The following COG7 variants were observed in gnomAD, a reference collection of about 807,000 sequenced individuals.
COG7 encodes conserved oligomeric Golgi complex subunit 7.
In COG7, 49 loss-of-function variants were observed where a neutral mutation model predicts 91.5. That is an observed-to-expected ratio of 0.54 (90% CI 0.43 to 0.68). The LOEUF is 0.68. Among genes scored for constraint, COG7 ranks in the 30% least tolerant of loss-of-function variants. COG7 has a pLI of 0.00. For missense variants in COG7, 895 were observed against 961.3 expected, an observed-to-expected ratio of 0.93 and a Z score of 0.91; for synonymous variants, 365 against 388.7, an observed-to-expected ratio of 0.94 and a Z score of 0.72.
intron 13 of COG7, among the ~76,000 whole-genome samples, chr16:23,399,136 GAAAGGAATGACCATGTCCA>G (rs1372113054): frequency 1.3e-5 from 2 of 152,150 alleles, no homozygotes; most frequent in African/African-American, 2.4e-5. Flanking sequence ...AGCATTCCGG[GAAAGGAATGACCATGTCCA>G]ACCCTGGGCT....
At chr16:23,433,966 T>C (rs1470237758) in intron 5 of COG7, among the ~76,000 whole-genome samples, 1 of 152,172 alleles carries the variant, frequency 6.6e-6, no homozygotes, top group Non-Finnish European at 1.5e-5. Context: ...TGAATAGATG[T>C]TGGGGCAAGA....
chr16:23,421,406 CTTA>C (rs941979848), intron 7 of COG7, among the ~76,000 whole-genome samples: 38 of 150,236 alleles, frequency 2.5e-4, no homozygotes, highest in African/African-American at 9.0e-4. Context: ...ATCATTAATT[CTTA>C]TAATACATAT....
At chr16:23,393,859 T>G (rs527543089) in intron 14 of COG7, among the ~76,000 whole-genome samples, 8 of 152,072 alleles carry the variant, frequency 5.3e-5, no homozygotes, top group African/African-American at 1.4e-4. Flanking sequence ...CTGGCCAACA[T>G]GGTGAAGCCC....
At chr16:23,414,166 T>C (rs1219734705) in intron 9 of COG7, 1 of 156,160 alleles carries the variant, frequency 6.4e-6, no homozygotes, top group East Asian at 1.9e-4. Flanking sequence ...CACACATACT[T>C]TTCCCTCACA....
intron 6 of COG7, among the ~76,000 whole-genome samples, chr16:23,426,082 G>T (rs1963841513): frequency 6.6e-6 from 1 of 152,140 alleles, no homozygotes; most frequent in Non-Finnish European, 1.5e-5. Flanking sequence ...TGGGCATGGT[G>T]GTGCACGACT....
At chr16:23,442,695 C>T (rs200277288) in intron 3 of COG7, 50 bp from the exon 4 acceptor site, 2 of 1,479,294 alleles carry the variant, frequency 1.4e-6, no homozygotes, top group Admixed American at 3.3e-5. Flanking sequence ...TCCCTACTGC[C>T]TCAATTGGGA....
At chr16:23,451,985 G>A (rs1479641070) in intron 1 of COG7, among the ~76,000 whole-genome samples, 1 of 151,602 alleles carries the variant, frequency 6.6e-6, no homozygotes, top group Non-Finnish European at 1.5e-5. Context: ...TCACAGACTC[G>A]TGCTCCTAGA....
intron 6 of COG7, among the ~76,000 whole-genome samples, chr16:23,431,811 G>GA (rs1173401499): frequency 5.3e-3 from 228 of 43,216 alleles, no homozygotes; most frequent in East Asian, 0.018. Flanking sequence ...TCTGTCTGAA[G>GA]AAAAAAAAAA....
chr16:23,452,886 C>T lies in COG7; in HGVS notation c.109G>A (p.Ala37Thr), dbSNP rs1327432623. Residue 37 changes from alanine (A) to threonine (T), a missense_variant, in exon 1 of 17, where the codon GCA (alanine) becomes ACA (threonine). Physicochemically the swap from Ala to Thr is moderately conservative, Grantham distance 58 (BLOSUM62 0). Transcript: ENST00000307149. The stretch of plus-strand genomic sequence containing the variant: ...TGCAGCTTCATCACCAGGGTGGCTG[C>T]GTGGCCATCCGCCTTCCCGGACGCC... ...EAASGKADGHAATLVMKLQLF... is the reference protein window; with the variant it reads ...EAASGKADGHTATLVMKLQLF... 17 of 1,613,892 alleles carry T rather than the reference C, an allele frequency of 1.1e-5. No homozygotes were observed. The Middle Eastern group carries it at 6.6e-4, about 63-fold the overall frequency.
chr16:23,441,894 G>C (rs754564169), intron 4 of COG7: 1 of 153,730 alleles, frequency 6.5e-6, no homozygotes, highest in Non-Finnish European at 1.4e-5. Flanking sequence ...CTTTACAGAA[G>C]TATATTTGGC....
intron 14 of COG7, among the ~76,000 whole-genome samples, chr16:23,395,794 C>T (rs568451611): frequency 6.6e-6 from 1 of 152,290 alleles, no homozygotes; most frequent in Admixed American, 6.5e-5. Context: ...TCTTGATATC[C>T]TGGTTGGGTT....
intron 7 of COG7, among the ~76,000 whole-genome samples, chr16:23,421,733 CA>C (rs1963758981): frequency 6.7e-6 from 1 of 148,176 alleles, no homozygotes; most frequent in Admixed American, 6.9e-5. Context: ...GTCTAAAGAA[CA>C]AAATGTGTCA....
At chr16:23,420,636 C>T (rs1010362784) in intron 7 of COG7, among the ~76,000 whole-genome samples, 61 of 152,304 alleles carry the variant, frequency 4.0e-4, no homozygotes, top group African/African-American at 1.3e-3. Context: ...ATTTCTGGCA[C>T]CAATTTTACA....
At chr16:23,410,230 A>G in intron 11 of COG7, 65 bp downstream of exon 11, 1 of 1,356,282 alleles carries the variant, frequency 7.4e-7, no homozygotes, top group Non-Finnish European at 1.1e-6. Flanking sequence ...TGTACTGTGT[A>G]CTAGACCAAG....
At chr16:23,400,869 C>CCCAGATACT (rs1963363588) in intron 13 of COG7, among the ~76,000 whole-genome samples, 2 of 151,172 alleles carry the variant, frequency 1.3e-5, no homozygotes, top group Middle Eastern at 3.2e-3. Context: ...ACTTGGGAGG[C>CCCAGATACT]TGAGGCATGA....
At chr16:23,395,061 G>C (rs1355815044) in intron 14 of COG7, 3 of 152,060 alleles carry the variant, frequency 2.0e-5, no homozygotes, top group Non-Finnish European at 1.5e-5. Flanking sequence ...CGCCCACCTC[G>C]GCCTCCCAAA....
chr16:23,403,646 T>G, intron 13 of COG7, 48 bp downstream of exon 13: 4 of 1,611,478 alleles, frequency 2.5e-6, no homozygotes, highest in Non-Finnish European at 3.4e-6. Flanking sequence ...TATGCTTGAG[T>G]TGGAGGCAGG....
chr16:23,392,367 T>G lies in COG7; in HGVS notation c.2146+13A>C, dbSNP rs1555491568. On this transcript the variant is annotated intron_variant, in intron 16 of 16. Transcript: ENST00000307149. The stretch of plus-strand genomic sequence containing the variant: ...GAGCTGTCCCTCCCACCGCCTGTCT[T>G]GTGGGGACCCACCGATGTCAGTGGC... The G allele has an allele frequency of 6.2e-7, 1 of 1,614,096 alleles. No homozygotes were observed. The highest frequency in any genetic ancestry group is 8.5e-7 in the Non-Finnish European group (1 of 1,180,018).
chr16:23,435,287 A>G (rs1270704951), intron 4 of COG7, among the ~76,000 whole-genome samples: 1 of 152,124 alleles, frequency 6.6e-6, no homozygotes, highest in Non-Finnish European at 1.5e-5. Context: ...GAATTGGTTG[A>G]ACCCGGGAGG....
Sources: gnomAD v4.1 joint callset for allele counts (sites outside exome capture counted in the v4.1 genomes callset) on GRCh38, gnomAD v4.1.1 for gene constraint, MANE v1.5 for transcripts, NCBI Gene and HGNC (gene_info 2026-07-23, HGNC 2026-07-21) for gene names.